Variants in PHOX2A observed in about 807,000 individuals in gnomAD.
PHOX2A encodes paired mesoderm homeobox protein 2A.
Under a neutral mutation model 16.4 loss-of-function variants are expected in PHOX2A, and 10 were observed. That is an observed-to-expected ratio of 0.61 (90% CI 0.38 to 1.04). The LOEUF (loss-of-function observed/expected upper bound fraction) is 1.04. Among genes scored for constraint, PHOX2A ranks in the 50% least tolerant of loss-of-function variants. The pLI is 0.01. For missense variants in PHOX2A, 361 were observed against 419.4 expected (o/e 0.86, Z 1.22); for synonymous variants, 219 against 203.8 (o/e 1.07, Z -0.64).
chr11:72,244,171 G>T lies in PHOX2A; in HGVS notation c.-167C>A. On this transcript the variant is annotated 5_prime_UTR_variant, in exon 1 of 3. Coordinates refer to ENST00000298231, the MANE Select transcript of PHOX2A (RefSeq NM_005169.4). ...CGGCCGCACTCAGCCCGGGTGCAAC[G>T]CAAGTGCAGCCAGCCCGGCCCGCGC... 2.6e-6 allele frequency: 1 copy of T among 391,870 alleles called. No individual in the cohort carries two copies. The highest frequency in any genetic ancestry group is 4.5e-6 in the Non-Finnish European group (1 of 222,900). 24.3% of individuals were successfully genotyped at this position (391,870 alleles called of 1,614,324 possible).
chr11:72,242,058 G>A (rs1343179619), intron 1 of PHOX2A, among the ~76,000 whole-genome samples: 1 of 151,462 alleles, frequency 6.6e-6, no homozygotes, highest in Non-Finnish European at 1.5e-5. Flanking sequence ...TGCGCCCATT[G>A]AGAAGACTTC....
chr11:72,242,050 C>T (rs552632752), intron 1 of PHOX2A, among the ~76,000 whole-genome samples: 6 of 151,910 alleles, frequency 3.9e-5, no homozygotes, highest in Admixed American at 1.3e-4. Context: ...CTTCTCTTTG[C>T]GCCCATTGAG....
chr11:72,242,845 T>C (rs1379210680), intron 1 of PHOX2A, among the ~76,000 whole-genome samples: 2 of 151,940 alleles, frequency 1.3e-5, no homozygotes, highest in African/African-American at 4.8e-5. Flanking sequence ...TTTTGTATTT[T>C]TAATGGAGAT....
Position 72,239,825 on chromosome 11 carries a change from C to A in PHOX2A, c.779G>T (p.Gly260Val). ...LLKAWQPAES[G>V]PGPFSGVLSS... ...CAGAACCCCGGAGAAGGGCCCGGGGCCGGACTCCGCCGGCTGCCAAGCCTT... is the reference window on the plus strand; with the variant it reads ...CAGAACCCCGGAGAAGGGCCCGGGGACGGACTCCGCCGGCTGCCAAGCCTT... The change falls in exon 3 of 3, where the codon GGC (glycine) becomes GTC (valine). Residue 260 changes from glycine to valine, a missense_variant. Transcript: ENST00000298231. 1 of 1,364,686 alleles carries A rather than the reference C, an allele frequency of 7.3e-7. No homozygotes were observed. Among genetic ancestry groups the A allele is most frequent in the Admixed American group, 3.1e-5 (1 of 32,174 alleles). 84.5% of individuals were successfully genotyped at this position (1,364,686 alleles called of 1,614,324 possible). A position where few individuals can be genotyped will look rare whatever the true frequency, so the allele number is the denominator to read the frequency against.
At chr11:72,242,677 G>T (rs1949131436) in intron 1 of PHOX2A, among the ~76,000 whole-genome samples, 1 of 150,458 alleles carries the variant, frequency 6.6e-6, no homozygotes, top group South Asian at 2.1e-4. Flanking sequence ...TTTTTTTTGA[G>T]ACCGAGTCTC....
Position 72,240,122 on chromosome 11 carries a change from G to A in PHOX2A, c.482C>T (p.Ala161Val). ...GCGCGCCTCGCCCTTTTTGGCGCCC[G>A]CCGCGCCCGCCGCGCCCTTGGCGCT... is the stretch of plus-strand genomic sequence containing the variant. Reference protein sequence around the residue: ...AASAKGAAGAAGAKKGEARCS... With the variant: ...AASAKGAAGAVGAKKGEARCS... The change falls in exon 3 of 3, where the codon GCG becomes GTG. Residue 161 changes from alanine to valine, a missense_variant. Physicochemically the swap from Ala to Val is moderately conservative, Grantham distance 64. This residue lies in a region of PHOX2A where 235 missense variants were observed against 263.8 expected (regional missense o/e 0.89). Transcript: ENST00000298231. The A allele has an allele frequency of 6.6e-7, 1 of 1,524,014 alleles. No homozygotes were observed. The highest frequency in any genetic ancestry group is 1.5e-5 in the African/African-American group (1 of 66,356). 94.4% of individuals were successfully genotyped at this position (1,524,014 alleles called of 1,614,324 possible).
chr11:72,241,320 G>GC lies in PHOX2A; in HGVS notation c.218-32_218-31insG. 3 of 1,080,730 alleles carry GC rather than the reference G, an allele frequency of 2.8e-6. 1 individual carries two copies. In the South Asian group the frequency reaches 4.5e-5, roughly 16 times the overall value. The allele number at this position is 1,080,730 out of a possible 1,614,324, so 66.9% of individuals were successfully genotyped here. On this transcript the variant is annotated intron_variant, in intron 1 of 2. Transcript: ENST00000298231. ...GGTGTGTGCAGGGGGGCCGGGGGGGGGGCAAAAAGGATGGGGGAGTGAGAA... is the reference window on the plus strand; with the variant it reads ...GGTGTGTGCAGGGGGGCCGGGGGGGGCGGCAAAAAGGATGGGGGAGTGAGAA...
chr11:72,239,819 C>T lies in PHOX2A; in HGVS notation c.785G>A (p.Gly262Glu). 7.3e-7 allele frequency: 1 copy of T among 1,366,402 alleles called. No individual in the cohort carries two copies. The highest frequency in any genetic ancestry group is 9.5e-7 in the Non-Finnish European group (1 of 1,050,266). The allele number at this position is 1,366,402 out of a possible 1,614,324, so 84.6% of individuals were successfully genotyped here. Residue 262 changes from glycine (G) to glutamate (E), a missense_variant, in exon 3 of 3, where the codon GGG (glycine) becomes GAG (glutamate). Physicochemically the swap from Gly to Glu is moderately conservative, Grantham distance 98. This residue lies in a region of PHOX2A where 71 missense variants were observed against 54.1 expected (regional missense o/e 1.31). Transcript: ENST00000298231. Reference sequence around the variant, plus strand: ...GGAGGACAGAACCCCGGAGAAGGGCCCGGGGCCGGACTCCGCCGGCTGCCA... The same window carrying T: ...GGAGGACAGAACCCCGGAGAAGGGCTCGGGGCCGGACTCCGCCGGCTGCCA... Reference protein sequence around the residue: ...KAWQPAESGPGPFSGVLSSFH... With the variant: ...KAWQPAESGPEPFSGVLSSFH...
chr11:72,240,978 C>T (rs1949114183), intron 2 of PHOX2A, 124 bp downstream of exon 2: 2 of 1,059,254 alleles, frequency 1.9e-6, no homozygotes, highest in Admixed American at 4.0e-5. Context: ...TGCCCAAGCA[C>T]CCTGGGACCG....
chr11:72,243,384 C>A (rs1429135241), intron 1 of PHOX2A, among the ~76,000 whole-genome samples: 1 of 152,044 alleles, frequency 6.6e-6, no homozygotes, highest in Non-Finnish European at 1.5e-5. Flanking sequence ...GGGGGTCATG[C>A]ATCTCGTGGG....
In PHOX2A at chr11:72,240,153, C is replaced by G. The variant is rs1311222076; in HGVS notation, c.451G>C (p.Ala151Pro). 1 of 1,535,130 alleles carries G rather than the reference C, an allele frequency of 6.5e-7. No homozygotes were observed. The change falls in exon 3 of 3, where the codon GCG (alanine) becomes CCG (proline). Residue 151 changes from alanine to proline, a missense_variant. This residue lies in a region of PHOX2A where 235 missense variants were observed against 263.8 expected (regional missense o/e 0.89). Coordinates refer to ENST00000298231, the MANE Select transcript of PHOX2A (RefSeq NM_005169.4). ...RRAKFRKQER[A>P]ASAKGAAGAA... Reference sequence around the variant, plus strand: ...CCCGCCGCGCCCTTGGCGCTGGCCGCGCGCTCCTGTTTGCGGAACTTGGCC... The same window carrying G: ...CCCGCCGCGCCCTTGGCGCTGGCCGGGCGCTCCTGTTTGCGGAACTTGGCC...
chr11:72,240,028 C>T lies in PHOX2A; in HGVS notation c.576G>A (p.Leu192=), dbSNP rs753214527. Reference sequence around the variant, plus strand: ...CCAGGCCGGGCGCAGGCGGCGGCGGCAGCGAGGCGGTGCTATCGGGCGTGG... The same window carrying T: ...CCAGGCCGGGCGCAGGCGGCGGCGGTAGCGAGGCGGTGCTATCGGGCGTGG... ...CSPTPDSTAS[L]PPPPAPGLAS... The change falls in exon 3 of 3, where the codon CTG becomes CTA. Residue 192 remains leucine (L), a synonymous_variant. Coordinates refer to ENST00000298231, the MANE Select transcript of PHOX2A (RefSeq NM_005169.4). 395 of 1,447,296 alleles carry T rather than the reference C, an allele frequency of 2.7e-4. No homozygotes were observed. The highest frequency in any genetic ancestry group is 1.2e-5 in the Non-Finnish European group (13 of 1,105,352). The allele number at this position is 1,447,296 out of a possible 1,614,324, so 89.7% of individuals were successfully genotyped here.
chr11:72,241,859 A>C, intron 1 of PHOX2A, among the ~76,000 whole-genome samples: 1 of 148,874 alleles, frequency 6.7e-6, no homozygotes, highest in African/African-American at 2.5e-5. Context: ...GGCTCCCTCC[A>C]CCCATCCACC....
chr11:72,239,720 G>A lies in PHOX2A; in HGVS notation c.*29C>T. The A allele has an allele frequency of 5.4e-6, 7 of 1,301,992 alleles. No homozygotes were observed. The highest frequency in any genetic ancestry group is 6.9e-6 in the Non-Finnish European group (7 of 1,017,116). 80.7% of individuals were successfully genotyped at this position (1,301,992 alleles called of 1,614,324 possible). ...TGGAGGGGCAGGGACGTCTCTGGGG[G>A]CAGGCTCGGAGCCTCCAGAGGCCGG... is the stretch of plus-strand genomic sequence containing the variant. On this transcript the variant is annotated 3_prime_UTR_variant, in exon 3 of 3. Coordinates refer to ENST00000298231, the MANE Select transcript of PHOX2A (RefSeq NM_005169.4).
Position 72,240,150 on chromosome 11 carries a change from C to T in PHOX2A, c.454G>A (p.Ala152Thr). 6.5e-7 allele frequency: 1 copy of T among 1,534,836 alleles called. No individual in the cohort carries two copies. Residue 152 changes from alanine (A) to threonine (T), a missense_variant, in exon 3 of 3, where the codon GCC becomes ACC. Around this residue, in one of 3 missense-constraint regions of PHOX2A, gnomAD observed 235 missense variants for 263.8 expected, o/e 0.89. Coordinates refer to ENST00000298231, the MANE Select transcript of PHOX2A (RefSeq NM_005169.4). ...GCGCCCGCCGCGCCCTTGGCGCTGG[C>T]CGCGCGCTCCTGTTTGCGGAACTTG... ...RAKFRKQERA[A>T]SAKGAAGAAG...
chr11:72,239,843 C>G lies in PHOX2A; in HGVS notation c.761G>C (p.Trp254Ser). Residue 254 changes from tryptophan to serine, a missense_variant, in exon 3 of 3, where the codon TGG becomes TCG. Physicochemically the swap from Trp to Ser is radical, Grantham distance 177 (BLOSUM62 -3). Transcript: ENST00000298231. ...GAGAAELLKAWQPAESGPGPF... is the reference protein window; with the variant it reads ...GAGAAELLKASQPAESGPGPF... ...CCCGGGGCCGGACTCCGCCGGCTGCCAAGCCTTAAGTAGTTCGGCCGCTCC... is the reference window on the plus strand; with the variant it reads ...CCCGGGGCCGGACTCCGCCGGCTGCGAAGCCTTAAGTAGTTCGGCCGCTCC... The G allele has an allele frequency of 7.3e-7, 1 of 1,376,650 alleles. No individual in the cohort carries two copies. The highest frequency in any genetic ancestry group is 9.5e-7 in the Non-Finnish European group (1 of 1,054,352). 85.3% of individuals were successfully genotyped at this position (1,376,650 alleles called of 1,614,324 possible). A position where few individuals can be genotyped will look rare whatever the true frequency, so the allele number is the denominator to read the frequency against.
intron 1 of PHOX2A, among the ~76,000 whole-genome samples, chr11:72,242,656 TTCTTCTTC>T (rs1949131095): frequency 1.3e-5 from 2 of 151,518 alleles, no homozygotes; most frequent in African/African-American, 4.9e-5. Context: ...CTTCTTCTTC[TTCTTCTTC>T]TTTTTTTTTT....
chr11:72,239,694 C>A lies in PHOX2A; in HGVS notation c.*55G>T. ...CCAGGATGGGAGGGGCTGTCAGGTCCTGGAGGGGCAGGGACGTCTCTGGGG... is the reference window on the plus strand; with the variant it reads ...CCAGGATGGGAGGGGCTGTCAGGTCATGGAGGGGCAGGGACGTCTCTGGGG... On this transcript the variant is annotated 3_prime_UTR_variant, in exon 3 of 3. Transcript: ENST00000298231. 7.9e-7 allele frequency: 1 copy of A among 1,267,210 alleles called. No homozygotes were observed. The highest frequency in any genetic ancestry group is 1.0e-6 in the Non-Finnish European group (1 of 991,488). 78.5% of individuals were successfully genotyped at this position (1,267,210 alleles called of 1,614,324 possible). A position where few individuals can be genotyped will look rare whatever the true frequency, so the allele number is the denominator to read the frequency against.
intron 1 of PHOX2A, among the ~76,000 whole-genome samples, chr11:72,241,516 G>A (rs1183105109): frequency 6.6e-6 from 1 of 151,982 alleles, no homozygotes; most frequent in Non-Finnish European, 1.5e-5. Flanking sequence ...AGCCCCAAGA[G>A]CGGCCAAGGG....
Sources: allele counts gnomAD v4.1 joint callset (sites outside exome capture counted in the v4.1 genomes callset), GRCh38; gene constraint gnomAD v4.1.1; regional missense constraint gnomAD v4.1.1; transcripts MANE v1.5; gene names NCBI Gene and HGNC (gene_info 2026-07-23, HGNC 2026-07-21).